Variants in CPSF2 observed in about 807,000 individuals in gnomAD.
CPSF2 encodes cleavage and polyadenylation specific factor 2.
CPSF2 carries 51 observed loss-of-function variants against 84.2 expected under a neutral mutation model. The observed-to-expected ratio is 0.61, with a 90% CI of 0.48 to 0.77. The LOEUF (loss-of-function observed/expected upper bound fraction) is 0.77. CPSF2 is among the 30% of genes least tolerant of loss of function. The pLI, the probability that CPSF2 is intolerant of heterozygous loss-of-function variation, is 0.00. For missense variants in CPSF2, 641 were observed against 929.4 expected (o/e 0.69, Z 4.03); for synonymous variants, 286 against 311.9 (o/e 0.92, Z 0.87).
At chr14:92,160,706 A>G (rs141800508) in intron 14 of CPSF2, among the ~76,000 whole-genome samples, 1 of 152,340 alleles carries the variant, frequency 6.6e-6, no homozygotes, top group East Asian at 1.9e-4. Flanking sequence ...GGACAGGGAA[A>G]ATGGGATTGG....
chr14:92,130,415 G>A (rs998068699), intron 2 of CPSF2, among the ~76,000 whole-genome samples: 1 of 152,150 alleles, frequency 6.6e-6, no homozygotes, highest in African/African-American at 2.4e-5. Context: ...AGTGAAATCA[G>A]TGCCATCACA....
At chr14:92,140,143 G>T (rs144272974) in intron 7 of CPSF2, among the ~76,000 whole-genome samples, 1,686 of 151,624 alleles carry the variant, frequency 0.011, 35 homozygotes, top group African/African-American at 0.038. Context: ...TAATAGAGAC[G>T]GGGTTTCACC....
chr14:92,134,857 C>T (rs1294941184), intron 5 of CPSF2, among the ~76,000 whole-genome samples: 1 of 152,018 alleles, frequency 6.6e-6, no homozygotes, highest in Non-Finnish European at 1.5e-5. Flanking sequence ...AGATATGAAC[C>T]CTGGCATTGA....
intron 7 of CPSF2, among the ~76,000 whole-genome samples, chr14:92,138,670 TC>T (rs2069033270): frequency 6.6e-6 from 1 of 152,166 alleles, no homozygotes; most frequent in Admixed American, 6.5e-5. Flanking sequence ...CCTCAGGTGA[TC>T]CACCTGCCTT....
rs1270102784 is a variant in CPSF2 at position 92,162,623 on chromosome 14, C to T, written c.*879C>T. The T allele has an allele frequency of 6.6e-6, 1 of 152,162 alleles. No individual in the cohort carries two copies. The highest frequency in any genetic ancestry group is 1.5e-5 in the Non-Finnish European group (1 of 68,032). The allele number at this position is 152,162 out of a possible 1,614,324, so 9.4% of individuals were successfully genotyped here. A position where few individuals can be genotyped will look rare whatever the true frequency, so the allele number is the denominator to read the frequency against. ...GGTGTAAATGTTTTCATCTCTTAGGCTTGCTGTCTCCTAAGGTCACCCAAG... is the reference window on the plus strand; with the variant it reads ...GGTGTAAATGTTTTCATCTCTTAGGTTTGCTGTCTCCTAAGGTCACCCAAG... On this transcript the variant is annotated 3_prime_UTR_variant, in exon 16 of 16. Coordinates refer to ENST00000298875, the MANE Select transcript of CPSF2 (RefSeq NM_017437.3).
At chr14:92,142,596 T>G (rs2069092309) in intron 8 of CPSF2, among the ~76,000 whole-genome samples, 1 of 152,196 alleles carries the variant, frequency 6.6e-6, no homozygotes, top group Non-Finnish European at 1.5e-5. Context: ...TTGCTTCCCT[T>G]CTAACTCTTA....
intron 9 of CPSF2, among the ~76,000 whole-genome samples, chr14:92,146,104 A>G (rs1030993367): frequency 3.9e-5 from 6 of 152,256 alleles, no homozygotes; most frequent in Non-Finnish European, 7.3e-5. Context: ...CGTTAAGTGT[A>G]TAGCATGATG....
intron 7 of CPSF2, among the ~76,000 whole-genome samples, chr14:92,139,778 A>T (rs2069050508): frequency 6.6e-6 from 1 of 151,278 alleles, no homozygotes; most frequent in Non-Finnish European, 1.5e-5. Flanking sequence ...ACCTCAGGTG[A>T]TCCTCCTGCC....
rs541214449 is a variant in CPSF2, at chr14:92,150,281, A to AT, written c.1141-4066dup. 2.8e-3 allele frequency among the ~76,000 whole-genome samples: 404 copies of AT among 146,796 alleles called. 3 individuals carry two copies. Among genetic ancestry groups the AT allele is most frequent in the African/African-American group, 8.8e-3 (354 of 40,014 alleles). ...AGGTGTGTGCCACGTTGCCCAGCTA[A>AT]TTTTTTTTTTTCATATTTTTAGTAG... On this transcript the variant is annotated intron_variant, in intron 9 of 15. Coordinates refer to ENST00000298875, the MANE Select transcript of CPSF2 (RefSeq NM_017437.3).
chr14:92,140,160 G>A (rs888936905), intron 7 of CPSF2, among the ~76,000 whole-genome samples: 1 of 151,732 alleles, frequency 6.6e-6, no homozygotes, highest in African/African-American at 2.4e-5. Flanking sequence ...CACCATGTTG[G>A]CCAGGATGGT....
chr14:92,158,211 G>C (rs865779940), intron 13 of CPSF2, among the ~76,000 whole-genome samples: 25 of 152,186 alleles, frequency 1.6e-4, no homozygotes, highest in African/African-American at 5.5e-4. Context: ...GTAGGAAAGG[G>C]GGGGAAGAGC....
chr14:92,171,725 C>T lies in CPSF2; in HGVS notation c.*9981C>T, dbSNP rs2069518745. The T allele has an allele frequency of 6.6e-6, 1 of 152,130 alleles. No homozygotes were observed. The highest frequency in any genetic ancestry group is 2.1e-4 in the South Asian group (1 of 4,830). 9.4% of individuals were successfully genotyped at this position (152,130 alleles called of 1,614,324 possible). ...ATATATGCGTCTATGCTTGTTACCTCATCCATCCATATATATATTAAAAAC... is the reference window on the plus strand; with the variant it reads ...ATATATGCGTCTATGCTTGTTACCTTATCCATCCATATATATATTAAAAAC... On this transcript the variant is annotated 3_prime_UTR_variant, in exon 16 of 16. Coordinates refer to ENST00000298875, the MANE Select transcript of CPSF2 (RefSeq NM_017437.3).
chr14:92,140,493 C>T (rs905340249), intron 7 of CPSF2, among the ~76,000 whole-genome samples: 133 of 142,724 alleles, frequency 9.3e-4, no homozygotes, highest in African/African-American at 3.0e-3. Flanking sequence ...AGTGCAGTGG[C>T]GCGATCTCGG....
intron 7 of CPSF2, among the ~76,000 whole-genome samples, chr14:92,140,348 T>G (rs986694303): frequency 1.3e-5 from 2 of 151,866 alleles, no homozygotes; most frequent in Non-Finnish European, 2.9e-5. Flanking sequence ...TGGTCAATGG[T>G]CAACACTTTG....
At chr14:92,132,272 T>C (rs1239286170) in intron 3 of CPSF2, among the ~76,000 whole-genome samples, 2 of 151,768 alleles carry the variant, frequency 1.3e-5, no homozygotes, top group Non-Finnish European at 2.9e-5. Flanking sequence ...GTAGCTGAGA[T>C]TACAGGCATG....
At chr14:92,147,869 A>G (rs1316225525) in intron 9 of CPSF2, among the ~76,000 whole-genome samples, 1 of 152,142 alleles carries the variant, frequency 6.6e-6, no homozygotes, top group African/African-American at 2.4e-5. Flanking sequence ...CACTGCAGGC[A>G]TGTGCCGCCA....
At chr14:92,150,093 A>G (rs1049058949) in intron 9 of CPSF2, among the ~76,000 whole-genome samples, 3 of 151,258 alleles carry the variant, frequency 2.0e-5, no homozygotes, top group Non-Finnish European at 2.9e-5. Context: ...TAAACTAGCC[A>G]CTTTTTTCTG....
At chr14:92,154,155 G>T in intron 9 of CPSF2, 1 of 404,790 alleles carries the variant, frequency 2.5e-6, no homozygotes, top group South Asian at 4.3e-5. Context: ...ACCCATTCTA[G>T]ATGATGTGTG....
intron 7 of CPSF2, among the ~76,000 whole-genome samples, chr14:92,141,318 AC>A (rs1312954286): frequency 6.6e-6 from 1 of 152,320 alleles, no homozygotes; most frequent in Admixed American, 6.5e-5. Context: ...AGGAGGATGT[AC>A]GTAGGTTATA....
Sources: gnomAD v4.1 joint callset for allele counts (sites outside exome capture counted in the v4.1 genomes callset) on GRCh38, gnomAD v4.1.1 for gene constraint, MANE v1.5 for transcripts, NCBI Gene and HGNC (gene_info 2026-07-23, HGNC 2026-07-21) for gene names.